KAT6B: variants seen among roughly 807,000 people sequenced by gnomAD.
KAT6B encodes the protein histone acetyltransferase KAT6B.
In KAT6B, 10 loss-of-function variants were observed where a neutral mutation model predicts 187.5. That is an observed-to-expected ratio of 0.05 (90% confidence interval 0.03 to 0.09). The LOEUF (loss-of-function observed/expected upper bound fraction) is 0.09, where lower values mean the gene tolerates loss of function less well. Among genes scored for constraint, KAT6B ranks in the 10% least tolerant of loss-of-function variants. The pLI is 1.00. For missense variants in KAT6B, 1,952 were observed against 2,558.9 expected, an observed-to-expected ratio of 0.76 and a Z score of 5.12; for synonymous variants, 861 against 926.8, an observed-to-expected ratio of 0.93 and a Z score of 1.29.
chr10:74,837,952 C>G (rs1841434270), intron 1 of KAT6B, among the ~76,000 whole-genome samples: 1 of 151,302 alleles, frequency 6.6e-6, no homozygotes, highest in Non-Finnish European at 1.5e-5. Flanking sequence ...CAGATGAGAG[C>G]TAATTTTGAG....
At chr10:74,838,083 A>G (rs889406065) in intron 1 of KAT6B, among the ~76,000 whole-genome samples, 1 of 152,036 alleles carries the variant, frequency 6.6e-6, no homozygotes, top group Admixed American at 6.6e-5. Flanking sequence ...TTTTAAATTT[A>G]TTTTTTGCTT....
intron 3 of KAT6B, among the ~76,000 whole-genome samples, chr10:74,949,096 T>C (rs1840142055): frequency 6.6e-6 from 1 of 152,230 alleles, no homozygotes; most frequent in Non-Finnish European, 1.5e-5. Flanking sequence ...TGAATGTAAG[T>C]TGATTTTAAA....
intron 10 of KAT6B, among the ~76,000 whole-genome samples, 197 bp downstream of exon 10, chr10:74,979,536 CTTAG>C (rs1842377603): frequency 6.6e-6 from 1 of 151,330 alleles, no homozygotes; most frequent in Non-Finnish European, 1.5e-5. Context: ...CCTTATGCTC[CTTAG>C]TTACATGGGC....
chr10:74,834,856 G>T (rs1434656553), intron 1 of KAT6B, among the ~76,000 whole-genome samples: 1 of 152,172 alleles, frequency 6.6e-6, no homozygotes, highest in Admixed American at 6.5e-5. Context: ...GCATATACCT[G>T]TTCTAGTCAG....
chr10:74,936,848 A>G lies in KAT6B; in HGVS notation c.622-23122A>G, dbSNP rs143723701. On this transcript the variant is annotated intron_variant, in intron 3 of 17. Coordinates refer to ENST00000287239, the MANE Select transcript of KAT6B (RefSeq NM_012330.4). ...CAACTTATGTCATTTTAGGTTGTTT[A>G]TTAATGCCAGTTTTGTATAATAAAA... 5.3e-5 allele frequency among the ~76,000 whole-genome samples: 8 copies of G among 152,310 alleles called. No homozygotes were observed. The East Asian group carries it at 1.2e-3, about 22-fold the overall frequency.
In KAT6B at chr10:75,022,129, TGAAGAGGAGGAA is replaced by T; in HGVS notation, c.3279_3290del (p.Glu1101_Glu1104del). 1 of 1,601,264 alleles carries T rather than the reference TGAAGAGGAGGAA, an allele frequency of 6.2e-7. No individual in the cohort carries two copies. The highest frequency in any genetic ancestry group is 8.5e-7 in the Non-Finnish European group (1 of 1,176,728). ...AAGAGGAGGAAGAAGAGGAAGAGGA[TGAAGAGGAGGAA>T]GAAGAGGAAGAAGAAGAAGAAGAAG... is the stretch of plus-strand genomic sequence containing the variant. On this transcript the variant is annotated inframe_deletion, in exon 16 of 18. Transcript: ENST00000287239.
intron 3 of KAT6B, among the ~76,000 whole-genome samples, chr10:74,954,245 C>A (rs903340412): frequency 2.0e-5 from 3 of 152,174 alleles, no homozygotes; most frequent in Admixed American, 2.0e-4. Context: ...TGTATGATTT[C>A]ACTTATATGC....
At chr10:74,850,061 C>T (rs1435739656) in intron 3 of KAT6B, among the ~76,000 whole-genome samples, 1 of 152,048 alleles carries the variant, frequency 6.6e-6, no homozygotes, top group Non-Finnish European at 1.5e-5. Flanking sequence ...GCCTCAGCCT[C>T]CTGAGTAGCT....
At position 74,869,685 on chromosome 10, in the gene KAT6B, C is replaced by T. The variant is rs192376670; in HGVS notation, c.621+26207C>T. Among the ~76,000 whole-genome samples the T allele has an allele frequency of 8.6e-3, 1,306 of 152,282 alleles. 11 individuals are homozygous for T. Among genetic ancestry groups the T allele is most frequent in the Non-Finnish European group, 0.014 (973 of 68,002 alleles). On this transcript the variant is annotated intron_variant, in intron 3 of 17. Coordinates refer to ENST00000287239, the MANE Select transcript of KAT6B (RefSeq NM_012330.4). ...TCGAACAAAGGACCATATGCTTTTT[C>T]TTATTAGCCTTTATTATAGTCTAAT...
rs557609948 is a variant in KAT6B, at chr10:74,905,416, C to T, written c.622-54554C>T. Among the ~76,000 whole-genome samples the T allele has an allele frequency of 3.3e-4, 50 of 152,194 alleles. 1 individual carries two copies. The highest frequency in any genetic ancestry group is 1.1e-3 in the African/African-American group (47 of 41,520). ...TTGATTGACTGATGGAAAAGGTAGG[C>T]GGTAGGCTAATAGACGATGACATCC... On this transcript the variant is annotated intron_variant, in intron 3 of 17. Transcript: ENST00000287239.
intron 13 of KAT6B, among the ~76,000 whole-genome samples, chr10:75,006,141 C>T (rs1844189879): frequency 6.6e-6 from 1 of 152,052 alleles, no homozygotes; most frequent in Non-Finnish European, 1.5e-5. Context: ...TCATACTAGA[C>T]AGCAAGGAAG....
intron 3 of KAT6B, among the ~76,000 whole-genome samples, chr10:74,870,355 A>G (rs377619312): frequency 1.3e-5 from 2 of 152,294 alleles, no homozygotes; most frequent in African/African-American, 4.8e-5. Context: ...TGAAGGGCCC[A>G]AGGGCAGATT....
intron 3 of KAT6B, among the ~76,000 whole-genome samples, chr10:74,883,507 A>G (rs1845017192): frequency 6.6e-6 from 1 of 152,100 alleles, no homozygotes; most frequent in Non-Finnish European, 1.5e-5. Context: ...TTACAGATGT[A>G]TTTCCTTTGA....
intron 3 of KAT6B, among the ~76,000 whole-genome samples, chr10:74,855,685 G>A (rs1589481201): frequency 6.6e-6 from 1 of 152,224 alleles, no homozygotes; most frequent in South Asian, 2.1e-4. Flanking sequence ...GGGAAAGGCA[G>A]GCATGGAGGG....
chr10:74,944,131 AG>A (rs1849917074), intron 3 of KAT6B, among the ~76,000 whole-genome samples: 1 of 152,220 alleles, frequency 6.6e-6, no homozygotes, highest in Non-Finnish European at 1.5e-5. Flanking sequence ...GATGCGGCCC[AG>A]GAACAGCCTT....
intron 3 of KAT6B, among the ~76,000 whole-genome samples, chr10:74,914,839 C>G (rs927924450): frequency 6.6e-6 from 1 of 152,120 alleles, no homozygotes; most frequent in African/African-American, 2.4e-5. Flanking sequence ...TGCCTGTGAT[C>G]CTAGCACTTT....
At chr10:74,891,460 C>T (rs1382443482) in intron 3 of KAT6B, among the ~76,000 whole-genome samples, 1 of 152,122 alleles carries the variant, frequency 6.6e-6, no homozygotes, top group South Asian at 2.1e-4. Context: ...GGGTTTGCAC[C>T]GAAATGGTAA....
In KAT6B at chr10:74,835,064, T is replaced by A. The variant is rs530197541; in HGVS notation, c.-328-3619T>A. Among the ~76,000 whole-genome samples, 4 of 152,324 alleles carry A rather than the reference T, an allele frequency of 2.6e-5. No individual in the cohort carries two copies. In the East Asian group the frequency reaches 7.7e-4, roughly 29 times the overall value. ...GCATGAATCCTGTTTTTAAGAATTT[T>A]ATAGTCTAGTAGGGGTGACAAGGTT... On this transcript the variant is annotated intron_variant, in intron 1 of 17. Transcript: ENST00000287239.
intron 13 of KAT6B, among the ~76,000 whole-genome samples, chr10:75,009,833 C>A (rs1844473198): frequency 6.6e-6 from 1 of 152,108 alleles, no homozygotes; most frequent in South Asian, 2.1e-4. Context: ...GCAACCCGAT[C>A]TCTACTAAAA....
Sources: gnomAD v4.1 joint callset for allele counts (sites outside exome capture counted in the v4.1 genomes callset) on GRCh38, gnomAD v4.1.1 for gene constraint, MANE v1.5 for transcripts, NCBI Gene and HGNC (gene_info 2026-07-23, HGNC 2026-07-21) for gene names.